Variants in NRG2 observed in about 807,000 individuals in gnomAD.
The protein encoded by NRG2 is pro-neuregulin-2, membrane-bound isoform.
Under a neutral mutation model 73.9 loss-of-function variants are expected in NRG2, and 27 were observed. The ratio of observed to expected loss-of-function variants is 0.37; its 90% CI spans 0.27 to 0.50. NRG2 has a LOEUF of 0.50. NRG2 is among the 20% of genes least tolerant of loss of function. The pLI is 0.96. For missense variants in NRG2, 1,126 were observed against 1,210.1 expected (o/e 0.93, Z 1.03); for synonymous variants, 532 against 541.0 (o/e 0.98, Z 0.23).
intron 1 of NRG2, among the ~76,000 whole-genome samples, chr5:139,936,389 GT>G (rs1247500609): frequency 2.0e-5 from 3 of 152,122 alleles, no homozygotes; most frequent in Non-Finnish European, 4.4e-5. Flanking sequence ...CATGAGCAAT[GT>G]TATGCTAATA....
chr5:139,925,350 C>G (rs550058210), intron 1 of NRG2, among the ~76,000 whole-genome samples: 1 of 152,286 alleles, frequency 6.6e-6, no homozygotes, highest in Admixed American at 6.5e-5. Flanking sequence ...TTACTGGACA[C>G]TCATGAGGCC....
In NRG2 at chr5:140,018,738, C is replaced by T. The variant is rs141226842; in HGVS notation, c.700+23632G>A. On this transcript the variant is annotated intron_variant, in intron 1 of 9. Coordinates refer to ENST00000361474, the MANE Select transcript of NRG2 (RefSeq NM_004883.3). ...CAGATGCTGCCAAATCATAGGTCAG[C>T]GCTTGACTCCTGCAGATCCAGACCA... 9.2e-5 allele frequency among the ~76,000 whole-genome samples: 14 copies of T among 152,332 alleles called. No individual in the cohort carries two copies. The East Asian group carries it at 2.3e-3, about 25-fold the overall frequency.
At position 139,994,516 on chromosome 5, in the gene NRG2, C is replaced by T. The variant is rs140243416; in HGVS notation, c.700+47854G>A. On this transcript the variant is annotated intron_variant, in intron 1 of 9. Coordinates refer to ENST00000361474, the MANE Select transcript of NRG2 (RefSeq NM_004883.3). Reference sequence around the variant, plus strand: ...AGTGAAATAGGGAGTTGTTGTTTAACGGGTATAGAGTTTCAGTTTTACAAG... The same window carrying T: ...AGTGAAATAGGGAGTTGTTGTTTAATGGGTATAGAGTTTCAGTTTTACAAG... Among the ~76,000 whole-genome samples the T allele has an allele frequency of 3.9e-5, 6 of 152,266 alleles. No individual in the cohort carries two copies. In the East Asian group the frequency reaches 5.8e-4, roughly 15 times the overall value.
At chr5:139,946,150 G>A (rs1468795736) in intron 1 of NRG2, among the ~76,000 whole-genome samples, 4 of 151,938 alleles carry the variant, frequency 2.6e-5, no homozygotes, top group Non-Finnish European at 4.4e-5. Flanking sequence ...GCCCAAAATA[G>A]TCAAAGCAAT....
At chr5:139,959,769 T>A (rs1580820306) in intron 1 of NRG2, among the ~76,000 whole-genome samples, 1 of 152,270 alleles carries the variant, frequency 6.6e-6, no homozygotes, top group South Asian at 2.1e-4. Flanking sequence ...CACCTCAGCC[T>A]CCTAAAGTGT....
intron 4 of NRG2, among the ~76,000 whole-genome samples, chr5:139,871,317 G>C (rs1762834683): frequency 6.6e-6 from 1 of 152,138 alleles, no homozygotes; most frequent in Admixed American, 6.5e-5. Context: ...TGTTCATTAA[G>C]AACAAAGTTT....
intron 5 of NRG2, among the ~76,000 whole-genome samples, chr5:139,860,574 A>G (rs1437193061): frequency 6.6e-6 from 1 of 152,140 alleles, no homozygotes; most frequent in Non-Finnish European, 1.5e-5. Context: ...GCAACACCCT[A>G]GAAGCCTACA....
chr5:140,021,473 T>C (rs1760220085), intron 1 of NRG2, among the ~76,000 whole-genome samples: 1 of 152,220 alleles, frequency 6.6e-6, no homozygotes, highest in Non-Finnish European at 1.5e-5. Context: ...TATGGAACAC[T>C]GGAATGGACC....
chr5:139,978,459 G>C (rs1465739518), intron 1 of NRG2, among the ~76,000 whole-genome samples: 1 of 152,190 alleles, frequency 6.6e-6, no homozygotes, highest in Non-Finnish European at 1.5e-5. Context: ...GTGCTGGAGA[G>C]GATGTGGAGA....
intron 1 of NRG2, among the ~76,000 whole-genome samples, chr5:139,987,975 C>T (rs958663447): frequency 2.0e-5 from 3 of 152,110 alleles, no homozygotes; most frequent in East Asian, 1.9e-4. Flanking sequence ...GGGGTTTCAC[C>T]GTGTTAGACA....
At chr5:139,958,360 A>G (rs938753299) in intron 1 of NRG2, among the ~76,000 whole-genome samples, 2 of 152,188 alleles carry the variant, frequency 1.3e-5, no homozygotes, top group Non-Finnish European at 2.9e-5. Context: ...TCAAGCATCA[A>G]TACTTTTTGA....
In NRG2 at chr5:139,973,265, G is replaced by A. The variant is rs149913739; in HGVS notation, c.700+69105C>T. Among the ~76,000 whole-genome samples, 95 of 151,744 alleles carry A rather than the reference G, an allele frequency of 6.3e-4. 1 individual carries two copies. The East Asian group carries it at 0.016, about 26-fold the overall frequency. ...TAAATAATTGATAAAATAAATTATGGTTGTATTTATATAATGAAATACCAT... is the reference window on the plus strand; with the variant it reads ...TAAATAATTGATAAAATAAATTATGATTGTATTTATATAATGAAATACCAT... On this transcript the variant is annotated intron_variant, in intron 1 of 9. Transcript: ENST00000361474.
rs868702606 is a variant in NRG2, at chr5:139,869,320, T to C, written c.1112+2401A>G. The C allele has an allele frequency of 6.6e-6, 1 of 152,180 alleles. No individual in the cohort carries two copies. Among genetic ancestry groups the C allele is most frequent in the Non-Finnish European group, 1.5e-5 (1 of 68,028 alleles). 9.4% of individuals were successfully genotyped at this position (152,180 alleles called of 1,614,324 possible). On this transcript the variant is annotated intron_variant, in intron 4 of 9. Transcript: ENST00000361474. The surrounding 1 kb of genome is among the most constrained non-coding windows in gnomAD (Gnocchi z 4.5). Reference sequence around the variant, plus strand: ...AATGAAACTGACCAGTGTAGTTTCATTATCCAAGCTAAGCGGAAATGCAAA... The same window carrying C: ...AATGAAACTGACCAGTGTAGTTTCACTATCCAAGCTAAGCGGAAATGCAAA...
At position 139,852,550 on chromosome 5, in the gene NRG2, T is replaced by G. The variant is rs903605421; in HGVS notation, c.1426A>C (p.Lys476Gln). Residue 476 changes from lysine (K) to glutamine (Q), a missense_variant, in exon 8 of 10, where the codon AAG becomes CAG. Lys to Gln is a moderately conservative substitution (Grantham distance 53). This residue lies in a region of NRG2 where 539 missense variants were observed against 703.2 expected (regional missense o/e 0.77). Coordinates refer to ENST00000361474, the MANE Select transcript of NRG2 (RefSeq NM_004883.3). The surrounding 1 kb of genome is among the most constrained non-coding windows in gnomAD (Gnocchi z 4.4). ...EEIQMADYIS[K>Q]NVPATDHVIR... Reference sequence around the variant, plus strand: ...ACATGGTCTGTGGCTGGCACGTTCTTGGAAATATACTGGAACAGACAGAGT... The same window carrying G: ...ACATGGTCTGTGGCTGGCACGTTCTGGGAAATATACTGGAACAGACAGAGT... 79 of 1,613,732 alleles carry G rather than the reference T, an allele frequency of 4.9e-5. No individual in the cohort carries two copies. Among genetic ancestry groups the G allele is most frequent in the Non-Finnish European group, 6.4e-5 (75 of 1,179,874 alleles).
At chr5:140,025,953 C>G (rs546818084) in intron 1 of NRG2, among the ~76,000 whole-genome samples, 2 of 152,218 alleles carry the variant, frequency 1.3e-5, no homozygotes, top group East Asian at 3.9e-4. Flanking sequence ...GAGCAATGAA[C>G]TGCTACAGAA....
chr5:139,861,631 C>T lies in NRG2; in HGVS notation c.1189+3918G>A, dbSNP rs942696438. On this transcript the variant is annotated intron_variant, in intron 5 of 9. Transcript: ENST00000361474. Reference sequence around the variant, plus strand: ...GGGAGTGACCTTGACGTTTTGGTTTCTTTGCATTCCCACTCTGACTGCTTG... The same window carrying T: ...GGGAGTGACCTTGACGTTTTGGTTTTTTTGCATTCCCACTCTGACTGCTTG... 1.3e-5 allele frequency: 6 copies of T among 452,624 alleles called. 1 individual carries two copies. Among genetic ancestry groups the T allele is most frequent in the African/African-American group, 8.0e-5 (4 of 50,230 alleles). 28.0% of individuals were successfully genotyped at this position (452,624 alleles called of 1,614,324 possible). A position where few individuals can be genotyped will look rare whatever the true frequency, so the allele number is the denominator to read the frequency against.
chr5:139,927,030 G>T (rs1013565209), intron 1 of NRG2, among the ~76,000 whole-genome samples: 1 of 152,320 alleles, frequency 6.6e-6, no homozygotes, highest in East Asian at 1.9e-4. Context: ...AGGAAGAAAG[G>T]CTGCCTGGCT....
At chr5:139,867,762 CTGTGTGTGTGTGTG>C (rs367771225) in intron 4 of NRG2, among the ~76,000 whole-genome samples, 21 of 128,874 alleles carry the variant, frequency 1.6e-4, no homozygotes, top group African/African-American at 5.3e-4. Context: ...GAAGGGAAAC[CTGTGTGTGTGTGTG>C]TGTGTGTGTG....
chr5:139,852,087 C>G lies in NRG2; in HGVS notation c.1545-256G>C, dbSNP rs149409749. Among the ~76,000 whole-genome samples, 1 of 152,222 alleles carries G rather than the reference C, an allele frequency of 6.6e-6. No individual in the cohort carries two copies. Among genetic ancestry groups the G allele is most frequent in the Non-Finnish European group, 1.5e-5 (1 of 68,026 alleles). On this transcript the variant is annotated intron_variant, in intron 8 of 9. Coordinates refer to ENST00000361474, the MANE Select transcript of NRG2 (RefSeq NM_004883.3). This position sits in a 1 kb window ranked among gnomAD's most constrained non-coding sequence, Gnocchi z 4.4. ...TTTCCTTCCTGCAACCAGCCTCCCC[C>G]CAGCCTTACCTTAGACCCCCTGTCT...
Sources: gnomAD v4.1 joint callset for allele counts (sites outside exome capture counted in the v4.1 genomes callset) on GRCh38, gnomAD v4.1.1 for gene constraint, gnomAD v4.1.1 regional missense constraint, Gnocchi (gnomAD v3.1) non-coding constraint, MANE v1.5 for transcripts, NCBI Gene and HGNC (gene_info 2026-07-23, HGNC 2026-07-21) for gene names.